The following CAMKMT variants were observed in gnomAD, a reference collection of about 807,000 sequenced individuals.
CAMKMT encodes CaM KMT.
Under a neutral mutation model 48.0 loss-of-function variants are expected in CAMKMT, and 53 were observed. The ratio of observed to expected loss-of-function variants is 1.10; its 90% CI spans 0.89 to 1.39. The LOEUF is 1.39. CAMKMT is among the 40% of genes most tolerant of loss of function. The pLI is 0.00. For synonymous variants in CAMKMT, 165 were observed against 152.3 expected (o/e 1.08, Z -0.61); for missense variants, 428 against 402.7 (o/e 1.06, Z -0.54).
At chr2:44,658,385 G>A (rs1674491544) in intron 3 of CAMKMT, among the ~76,000 whole-genome samples, 1 of 152,132 alleles carries the variant, frequency 6.6e-6, no homozygotes, top group Admixed American at 6.5e-5. Flanking sequence ...ATGAAAAGGG[G>A]GCACCGGGTG....
intron 3 of CAMKMT, among the ~76,000 whole-genome samples, chr2:44,427,861 C>T (rs181095129): frequency 3.9e-5 from 6 of 152,218 alleles, no homozygotes; most frequent in Admixed American, 2.0e-4. Context: ...ATGGGACTTG[C>T]GACAGGGTTG....
At chr2:44,435,881 C>T (rs981415792) in intron 3 of CAMKMT, among the ~76,000 whole-genome samples, 6 of 152,198 alleles carry the variant, frequency 3.9e-5, no homozygotes, top group African/African-American at 7.2e-5. Context: ...TAATGGAGCA[C>T]GACATAATAA....
At chr2:44,499,978 A>T (rs984026713) in intron 3 of CAMKMT, among the ~76,000 whole-genome samples, 1 of 152,200 alleles carries the variant, frequency 6.6e-6, no homozygotes, top group African/African-American at 2.4e-5. Context: ...GTTGGATTTC[A>T]TGTACATATT....
chr2:44,689,386 C>A (rs1676515112), intron 3 of CAMKMT, among the ~76,000 whole-genome samples: 1 of 151,436 alleles, frequency 6.6e-6, no homozygotes, highest in Non-Finnish European at 1.5e-5. Context: ...GCAACCTCCG[C>A]CTCCCCGGTT....
intron 9 of CAMKMT, among the ~76,000 whole-genome samples, chr2:44,762,159 G>A (rs1680646644): frequency 6.6e-6 from 1 of 152,184 alleles, no homozygotes; most frequent in Non-Finnish European, 1.5e-5. Context: ...GATGCCAGGA[G>A]AGGAAGCAAG....
rs1245984272 is a variant in CAMKMT at position 44,539,882 on chromosome 2, T to C, written c.376+149577T>C. 3.3e-5 allele frequency among the ~76,000 whole-genome samples: 5 copies of C among 152,190 alleles called. 1 individual carries two copies. Among genetic ancestry groups the C allele is most frequent in the Admixed American group, 1.3e-4 (2 of 15,274 alleles). ...TCATTATTGGTGATCTTGACTGTGA[T>C]CAATTGGTGATGACAAAGGTGATGG... On this transcript the variant is annotated intron_variant, in intron 3 of 10. Coordinates refer to ENST00000378494, the MANE Select transcript of CAMKMT (RefSeq NM_024766.5).
intron 3 of CAMKMT, among the ~76,000 whole-genome samples, chr2:44,394,305 A>G (rs920874977): frequency 2.0e-5 from 3 of 152,116 alleles, no homozygotes; most frequent in Non-Finnish European, 4.4e-5. Context: ...GAGCTCCATG[A>G]CAGGACCCTG....
intron 7 of CAMKMT, among the ~76,000 whole-genome samples, chr2:44,726,098 CT>C (rs1314308672): frequency 6.6e-6 from 1 of 152,100 alleles, no homozygotes; most frequent in Non-Finnish European, 1.5e-5. Context: ...ATTTGGTTTC[CT>C]GTGCCTTTTT....
chr2:44,702,083 G>A (rs1487409699), intron 3 of CAMKMT, among the ~76,000 whole-genome samples: 1 of 151,768 alleles, frequency 6.6e-6, no homozygotes, highest in Non-Finnish European at 1.5e-5. Flanking sequence ...TCGCATTTTT[G>A]TACTTAATCA....
chr2:44,705,354 C>G (rs1677494920), intron 4 of CAMKMT: 1 of 985,182 alleles, frequency 1.0e-6, no homozygotes, highest in Admixed American at 6.2e-5. Context: ...GGAAACAATC[C>G]TAAGAGTCTA....
intron 3 of CAMKMT, among the ~76,000 whole-genome samples, chr2:44,577,370 G>A (rs957590623): frequency 6.6e-6 from 1 of 152,180 alleles, no homozygotes; most frequent in African/African-American, 2.4e-5. Context: ...TGTAATCTCA[G>A]CACTTCGGGA....
Position 44,561,249 on chromosome 2 carries a change from C to T in CAMKMT, c.377-143034C>T, listed in dbSNP as rs1181225578. Among the ~76,000 whole-genome samples the T allele has an allele frequency of 1.3e-5, 2 of 152,180 alleles. 1 individual carries two copies. Among genetic ancestry groups the T allele is most frequent in the African/African-American group, 4.8e-5 (2 of 41,458 alleles). ...GAGGTGAAGCTCCTCAACATTACTA[C>T]GTCTTACCAAAATCATGGTTTTGTA... On this transcript the variant is annotated intron_variant, in intron 3 of 10. Transcript: ENST00000378494.
chr2:44,611,409 G>A (rs1247987552), intron 3 of CAMKMT, among the ~76,000 whole-genome samples: 1 of 151,722 alleles, frequency 6.6e-6, no homozygotes, highest in African/African-American at 2.4e-5. Context: ...CTCCAGACTG[G>A]GGGACAAGAG....
intron 3 of CAMKMT, among the ~76,000 whole-genome samples, chr2:44,493,781 T>C (rs1033954030): frequency 2.0e-5 from 3 of 152,206 alleles, no homozygotes; most frequent in African/African-American, 7.2e-5. Context: ...TGGAATTGTG[T>C]TAAAGAAAAT....
chr2:44,408,008 A>G (rs1297583648), intron 3 of CAMKMT, among the ~76,000 whole-genome samples: 2 of 149,770 alleles, frequency 1.3e-5, no homozygotes, highest in African/African-American at 4.9e-5. Flanking sequence ...GAGGCAGAAG[A>G]CAACAGTAGA....
chr2:44,576,896 T>C (rs1301682701), intron 3 of CAMKMT, among the ~76,000 whole-genome samples: 1 of 152,216 alleles, frequency 6.6e-6, no homozygotes, highest in Non-Finnish European at 1.5e-5. Context: ...CAAGGAATGT[T>C]CATTCATTCC....
intron 9 of CAMKMT, among the ~76,000 whole-genome samples, chr2:44,759,013 A>T (rs989228597): frequency 6.6e-6 from 1 of 152,146 alleles, no homozygotes; most frequent in Non-Finnish European, 1.5e-5. Flanking sequence ...ATCACTGTGG[A>T]ATTCACTTAA....
At position 44,584,088 on chromosome 2, in the gene CAMKMT, C is replaced by T. The variant is rs551274951; in HGVS notation, c.377-120195C>T. Among the ~76,000 whole-genome samples the T allele has an allele frequency of 2.3e-3, 347 of 152,274 alleles. 1 individual carries two copies. Among genetic ancestry groups the T allele is most frequent in the African/African-American group, 7.9e-3 (328 of 41,546 alleles). Reference sequence around the variant, plus strand: ...TTCCCCAGGCTCCTGGATTGTTTTTCGAGTTTCAGATAAATGAAATCACAT... The same window carrying T: ...TTCCCCAGGCTCCTGGATTGTTTTTTGAGTTTCAGATAAATGAAATCACAT... On this transcript the variant is annotated intron_variant, in intron 3 of 10. Transcript: ENST00000378494.
At chr2:44,460,870 A>T (rs944784753) in intron 3 of CAMKMT, among the ~76,000 whole-genome samples, 1 of 151,066 alleles carries the variant, frequency 6.6e-6, no homozygotes, top group African/African-American at 2.5e-5. Flanking sequence ...TCACAGGCGC[A>T]TACCACCACA....
Sources: allele counts gnomAD v4.1 joint callset (sites outside exome capture counted in the v4.1 genomes callset), GRCh38; gene constraint gnomAD v4.1.1; transcripts MANE v1.5; gene names NCBI Gene and HGNC (gene_info 2026-07-23, HGNC 2026-07-21).